YME1L1: variants seen among roughly 807,000 people sequenced by gnomAD.
The protein encoded by YME1L1 is ATP-dependent zinc metalloprotease YME1L1.
A neutral mutation model predicts 90.4 loss-of-function variants in YME1L1; 39 were observed. That is an observed-to-expected ratio of 0.43 (90% CI 0.33 to 0.56). The LOEUF is 0.56. Ranked by LOEUF, YME1L1 falls within the 20% of genes least tolerant of loss-of-function variation. The probability of loss-of-function intolerance (pLI) is 0.03; values close to 1 mark genes in which losing one functional copy is unlikely to be tolerated. For synonymous variants in YME1L1, 284 were observed against 287.3 expected (o/e 0.99, Z 0.12); for missense variants, 617 against 868.4 (o/e 0.71, Z 3.64).
intron 1 of YME1L1, among the ~76,000 whole-genome samples, chr10:27,152,961 C>G (rs1218238334): frequency 3.3e-5 from 5 of 152,142 alleles, no homozygotes; most frequent in African/African-American, 7.2e-5. Flanking sequence ...AAAATGAAAT[C>G]AGCCATAATA....
intron 9 of YME1L1, among the ~76,000 whole-genome samples, chr10:27,125,243 T>C (rs2056904885): frequency 1.3e-5 from 2 of 152,102 alleles, no homozygotes; most frequent in Admixed American, 1.3e-4. Context: ...AAAAATTCAA[T>C]ATAAATGGTT....
intron 7 of YME1L1, among the ~76,000 whole-genome samples, 195 bp downstream of exon 7, chr10:27,133,844 A>C (rs2056999913): frequency 6.6e-6 from 1 of 152,156 alleles, no homozygotes; most frequent in Non-Finnish European, 1.5e-5. Context: ...TGACCAGGAT[A>C]ATTTTTAAAT....
chr10:27,121,555 C>T, intron 11 of YME1L1, 107 bp from the exon 12 acceptor site: 5 of 773,818 alleles, frequency 6.5e-6, no homozygotes, highest in South Asian at 1.4e-5. Flanking sequence ...GACTAGGACT[C>T]GCTTTGTGGC....
chr10:27,117,574 A>T lies in YME1L1; in HGVS notation c.1719+2T>A. The stretch of plus-strand genomic sequence containing the variant: ...CAGGGCGAGACACTACAAAAAACTT[A>T]CATGTCCAAGTGTTGGCCCCCGTGG... On this transcript the variant is annotated splice_donor_variant, in intron 15 of 18. Transcript: ENST00000376016. LOFTEE classifies it high-confidence loss of function. 1 of 1,613,040 alleles carries T rather than the reference A, an allele frequency of 6.2e-7. No individual in the cohort carries two copies.
chr10:27,131,169 C>A (rs1215251978), intron 8 of YME1L1, among the ~76,000 whole-genome samples: 1 of 152,190 alleles, frequency 6.6e-6, no homozygotes, highest in African/African-American at 2.4e-5. Flanking sequence ...AAACTGTAAG[C>A]CTTCTCTCAA....
chr10:27,114,186 T>C (rs1358918698), intron 18 of YME1L1, among the ~76,000 whole-genome samples: 1 of 152,180 alleles, frequency 6.6e-6, no homozygotes, highest in African/African-American at 2.4e-5. Context: ...CATACCTACA[T>C]AGTGTACACT....
intron 3 of YME1L1, 61 bp from the exon 4 acceptor site, chr10:27,142,546 T>C (rs993041121): frequency 2.6e-6 from 2 of 767,524 alleles, no homozygotes; most frequent in Non-Finnish European, 4.0e-6. Flanking sequence ...AAAAATCCTA[T>C]GAAATATAAA....
At chr10:27,114,683 C>CCATATATTTGTTTCCT in intron 17 of YME1L1, 76 bp from the exon 18 acceptor site, 2 of 1,107,018 alleles carry the variant, frequency 1.8e-6, no homozygotes, top group Non-Finnish European at 2.7e-6. Context: ...AAGTACTATC[C>CCATATATTTGTTTCCT]TATATATAAG....
chr10:27,132,072 A>C (rs2056982500), intron 7 of YME1L1, 131 bp from the exon 8 acceptor site: 1 of 644,502 alleles, frequency 1.6e-6, no homozygotes. Flanking sequence ...ATATCAAATC[A>C]GAGTGAGGAA....
At chr10:27,114,465 G>A in intron 18 of YME1L1, 56 bp downstream of exon 18, 1 of 1,409,624 alleles carries the variant, frequency 7.1e-7, no homozygotes, top group South Asian at 1.3e-5. Flanking sequence ...TTAAGAACCT[G>A]ACTATTTAAG....
At chr10:27,130,727 C>G (rs2056967319) in intron 8 of YME1L1, among the ~76,000 whole-genome samples, 1 of 152,200 alleles carries the variant, frequency 6.6e-6, no homozygotes, top group South Asian at 2.1e-4. Flanking sequence ...GTGGCTCGTG[C>G]CTGTAATCCC....
intron 1 of YME1L1, 92 bp downstream of exon 1, chr10:27,154,086 G>A: frequency 2.0e-6 from 3 of 1,473,164 alleles, no homozygotes; most frequent in Non-Finnish European, 1.9e-6. Context: ...CATTTCTAGA[G>A]TCCCTTCTGA....
At chr10:27,124,909 T>A (rs1257052952) in intron 9 of YME1L1, among the ~76,000 whole-genome samples, 70 of 152,278 alleles carry the variant, frequency 4.6e-4, no homozygotes, top group Non-Finnish European at 4.4e-5. Flanking sequence ...ATCACTTGGG[T>A]CCTTTCTAGA....
At chr10:27,153,246 C>G (rs2057250434) in intron 1 of YME1L1, 1 of 470,658 alleles carries the variant, frequency 2.1e-6, no homozygotes. Flanking sequence ...AACTGATGCC[C>G]AATAACAAGC....
chr10:27,142,406 T>G lies in YME1L1; in HGVS notation c.411A>C (p.Ser137=). Residue 137 remains serine, a synonymous_variant, in exon 4 of 19, where the codon TCA becomes TCC. Transcript: ENST00000376016. ...TCATACCTGGCCAGTACTGAAGATC[T>G]GAACAAATGCTTTGAAGAGCTCTTG... ...HHSRALQSIC[S]DLQYWPVFIQ... 6.6e-7 allele frequency: 1 copy of G among 1,509,048 alleles called. No individual in the cohort carries two copies. The highest frequency in any genetic ancestry group is 8.9e-7 in the Non-Finnish European group (1 of 1,128,338). The allele number at this position is 1,509,048 out of a possible 1,614,324, so 93.5% of individuals were successfully genotyped here. A position where few individuals can be genotyped will look rare whatever the true frequency, so the allele number is the denominator to read the frequency against.
Position 27,143,699 on chromosome 10 carries a change from T to A in YME1L1, c.332-1214A>T, listed in dbSNP as rs536960379. On this transcript the variant is annotated intron_variant, in intron 3 of 18. Coordinates refer to ENST00000376016, the MANE Select transcript of YME1L1 (RefSeq NM_014263.4). Reference sequence around the variant, plus strand: ...GGCAACACAGCAAGACTCGTCTCTTTAAAAAAAAAAAAAAAAAGATGTACT... The same window carrying A: ...GGCAACACAGCAAGACTCGTCTCTTAAAAAAAAAAAAAAAAAAGATGTACT... Among the ~76,000 whole-genome samples the A allele has an allele frequency of 5.4e-3, 730 of 134,316 alleles. 11 individuals carry two copies. The highest frequency in any genetic ancestry group is 0.025 in the South Asian group (103 of 4,110). The allele number at this position is 134,316 out of a possible 152,430, so 88.1% of individuals were successfully genotyped here.
rs753927053 is a variant in YME1L1, at chr10:27,133,778, A to T, written c.775+261T>A. Among the ~76,000 whole-genome samples, 58 of 152,286 alleles carry T rather than the reference A, an allele frequency of 3.8e-4. 1 individual carries two copies. Among genetic ancestry groups the T allele is most frequent in the Middle Eastern group, 6.8e-3 (2 of 294 alleles). On this transcript the variant is annotated intron_variant, in intron 7 of 18. Coordinates refer to ENST00000376016, the MANE Select transcript of YME1L1 (RefSeq NM_014263.4). ...GACTATTTCAGCTTGTATTGCCATTATAAAATTCTTCTACATAATTTTAAA... is the reference window on the plus strand; with the variant it reads ...GACTATTTCAGCTTGTATTGCCATTTTAAAATTCTTCTACATAATTTTAAA...
In YME1L1 at chr10:27,125,437, AATTGTTTC is replaced by A. The variant is rs569262706; in HGVS notation, c.949+1251_949+1258del. On this transcript the variant is annotated intron_variant, in intron 9 of 18. Transcript: ENST00000376016. ...TCCACTCCCTCACAAAAGGCTAAGG[AATTGTTTC>A]ATTGTTTCATTTGAAAAAAAAAAAA... Among the ~76,000 whole-genome samples the A allele has an allele frequency of 3.4e-4, 46 of 135,482 alleles. No individual in the cohort carries two copies. In the East Asian group the frequency reaches 9.7e-3, roughly 29 times the overall value. The allele number at this position is 135,482 out of a possible 152,430, so 88.9% of individuals were successfully genotyped here.
Position 27,117,681 on chromosome 10 carries a change from G to C in YME1L1, c.1614C>G (p.Ile538Met). 6.2e-7 allele frequency: 1 copy of C among 1,614,140 alleles called. No individual in the cohort carries two copies. Among genetic ancestry groups the C allele is most frequent in the Non-Finnish European group, 8.5e-7 (1 of 1,180,006 alleles). ...SVEIDNKNKT[I>M]TAYHESGHAI... ...CATGACCAGATTCATGATATGCTGT[G>C]ATGGTTTTGTTTTTGTTATCAATTT... The change falls in exon 15 of 19, where the codon ATC becomes ATG. Residue 538 changes from isoleucine (I) to methionine (M), a missense_variant. Transcript: ENST00000376016.
Sources: allele counts gnomAD v4.1 joint callset (sites outside exome capture counted in the v4.1 genomes callset), GRCh38; gene constraint gnomAD v4.1.1; transcripts MANE v1.5; gene names NCBI Gene and HGNC (gene_info 2026-07-23, HGNC 2026-07-21).